ATRNL1: variants seen among roughly 807,000 people sequenced by gnomAD.
ATRNL1 encodes the protein attractin-like protein 1.
Under a neutral mutation model 182.7 loss-of-function variants are expected in ATRNL1, and 95 were observed. That is an observed-to-expected ratio of 0.52 (90% CI 0.44 to 0.62). The LOEUF is 0.62. Ranked by LOEUF, ATRNL1 falls within the 20% of genes least tolerant of loss-of-function variation. ATRNL1 has a pLI of 0.00. For synonymous variants in ATRNL1, 576 were observed against 568.3 expected, an observed-to-expected ratio of 1.01 and a Z score of -0.19; for missense variants, 1,471 against 1,679.5, an observed-to-expected ratio of 0.88 and a Z score of 2.17.
chr10:115,519,419 T>C (rs1850805293), intron 25 of ATRNL1, 95 bp downstream of exon 25: 2 of 1,016,512 alleles, frequency 2.0e-6, no homozygotes, highest in Non-Finnish European at 3.0e-6. Flanking sequence ...TTCTAAAACC[T>C]TAAAGTATCA....
rs188032901 is a variant in ATRNL1 at position 115,664,640 on chromosome 10, T to C, written c.3796-62608T>C. ...ATTAGTCTATTTTTATCAAGGTTTATAATCACTTTCCAGTACATGAAAATT... is the reference window on the plus strand; with the variant it reads ...ATTAGTCTATTTTTATCAAGGTTTACAATCACTTTCCAGTACATGAAAATT... On this transcript the variant is annotated intron_variant, in intron 26 of 28. Coordinates refer to ENST00000355044, the MANE Select transcript of ATRNL1 (RefSeq NM_207303.4). Among the ~76,000 whole-genome samples, 5 of 152,278 alleles carry C rather than the reference T, an allele frequency of 3.3e-5. No homozygotes were observed. In the East Asian group the frequency reaches 9.7e-4, roughly 29 times the overall value.
At chr10:115,454,544 T>C (rs1196990031) in intron 21 of ATRNL1, among the ~76,000 whole-genome samples, 2 of 152,130 alleles carry the variant, frequency 1.3e-5, no homozygotes, top group Non-Finnish European at 1.5e-5. Flanking sequence ...ATATGGGATG[T>C]CATATTATTT....
intron 13 of ATRNL1, among the ~76,000 whole-genome samples, chr10:115,277,803 T>C (rs1301273898): frequency 6.6e-6 from 1 of 152,172 alleles, no homozygotes; most frequent in Non-Finnish European, 1.5e-5. Flanking sequence ...CTTTTTTTCT[T>C]TATTGGAAAT....
At chr10:115,224,701 G>A (rs990988527) in intron 9 of ATRNL1, among the ~76,000 whole-genome samples, 2 of 152,052 alleles carry the variant, frequency 1.3e-5, no homozygotes, top group South Asian at 2.1e-4. Flanking sequence ...TATGATAAGC[G>A]ACTCTATGAC....
At chr10:115,148,463 A>T (rs755315568) in intron 5 of ATRNL1, among the ~76,000 whole-genome samples, 2 of 152,016 alleles carry the variant, frequency 1.3e-5, no homozygotes, top group Non-Finnish European at 2.9e-5. Flanking sequence ...TCTGGCTAGG[A>T]CTTGAAGTAG....
chr10:115,266,854 C>G lies in ATRNL1; in HGVS notation c.1830C>G (p.Tyr610Ter), dbSNP rs1851629381. 1.2e-6 allele frequency: 2 copies of G among 1,611,750 alleles called. No homozygotes were observed. The highest frequency in any genetic ancestry group is 1.7e-5 in the Admixed American group (1 of 59,824). Residue 610 changes from tyrosine to a stop codon, truncating the protein, a stop_gained, in exon 12 of 29, where the codon TAC becomes TAG. Coordinates refer to ENST00000355044, the MANE Select transcript of ATRNL1 (RefSeq NM_207303.4). LOFTEE classifies it high-confidence loss of function. The part of the protein sequence containing the change: ...SSVLLNDILV[Y>*]KPPNCKAFRD... ...TACTCCTTAATGATATCCTTGTATA[C>G]AAGCCTCCAAATTGCAAGGCTTTCA... is the stretch of plus-strand genomic sequence containing the variant.
In ATRNL1 at chr10:115,864,845, G is replaced by A. The variant is rs533026962; in HGVS notation, c.4018+16854G>A. On this transcript the variant is annotated intron_variant, in intron 28 of 28. Transcript: ENST00000355044. ...AAAATACAAAAAATTAGCCAGGCGT[G>A]GTGGCAGGTGCCTGTAGTCCCAGCT... Among the ~76,000 whole-genome samples the A allele has an allele frequency of 1.9e-3, 287 of 152,218 alleles. 2 individuals are homozygous for A. Among genetic ancestry groups the A allele is most frequent in the African/African-American group, 6.4e-3 (267 of 41,540 alleles).
chr10:115,608,512 A>G (rs538947428), intron 26 of ATRNL1, among the ~76,000 whole-genome samples: 1 of 152,208 alleles, frequency 6.6e-6, no homozygotes, highest in East Asian at 1.9e-4. Flanking sequence ...ACCCTATATT[A>G]TAATAGGCCA....
chr10:115,584,638 CTTTT>C lies in ATRNL1; in HGVS notation c.3795+35106_3795+35109del, dbSNP rs1323703926. Among the ~76,000 whole-genome samples, 52 of 150,602 alleles carry C rather than the reference CTTTT, an allele frequency of 3.5e-4. 2 individuals carry two copies. Among genetic ancestry groups the C allele is most frequent in the Middle Eastern group, 6.8e-3 (2 of 294 alleles). On this transcript the variant is annotated intron_variant, in intron 26 of 28. Transcript: ENST00000355044. Reference sequence around the variant, plus strand: ...TATTGCGTCTATTTGATTCTTCTCTCTTTTTTTCTTTATTAGTCTTGCTAGCTGT... The same window carrying C: ...TATTGCGTCTATTTGATTCTTCTCTCTTTCTTTATTAGTCTTGCTAGCTGT...
chr10:115,831,394 T>TA (rs1950557156), intron 27 of ATRNL1, among the ~76,000 whole-genome samples: 1 of 152,150 alleles, frequency 6.6e-6, no homozygotes, highest in African/African-American at 2.4e-5. Context: ...AACTTTTTTT[T>TA]AACAGATTTT....
At chr10:115,366,585 C>T (rs1268604807) in intron 19 of ATRNL1, among the ~76,000 whole-genome samples, 4 of 149,226 alleles carry the variant, frequency 2.7e-5, no homozygotes, top group East Asian at 3.9e-4. Flanking sequence ...TGATTTTGCT[C>T]GTTAGTTGAT....
chr10:115,800,074 G>A (rs1359662765), intron 27 of ATRNL1, among the ~76,000 whole-genome samples: 1 of 151,998 alleles, frequency 6.6e-6, no homozygotes, highest in Non-Finnish European at 1.5e-5. Flanking sequence ...TACAAAATTA[G>A]CTGGACGTGG....
chr10:115,892,779 T>A (rs782288342), intron 28 of ATRNL1, among the ~76,000 whole-genome samples: 4 of 152,210 alleles, frequency 2.6e-5, no homozygotes, highest in Non-Finnish European at 5.9e-5. Flanking sequence ...AAAGAAGGGA[T>A]CGAGTTGTTT....
At chr10:115,422,815 A>G (rs1349214489) in intron 20 of ATRNL1, among the ~76,000 whole-genome samples, 1 of 152,208 alleles carries the variant, frequency 6.6e-6, no homozygotes, top group African/African-American at 2.4e-5. Flanking sequence ...GGAGCTAAAC[A>G]TTTTGTACAT....
At chr10:115,486,671 T>C (rs1849042209) in intron 24 of ATRNL1, among the ~76,000 whole-genome samples, 1 of 152,070 alleles carries the variant, frequency 6.6e-6, no homozygotes, top group Non-Finnish European at 1.5e-5. Context: ...AGTGCAAAAA[T>C]TTTCTCCCAT....
At chr10:115,836,639 TG>T (rs1350604738) in intron 27 of ATRNL1, among the ~76,000 whole-genome samples, 1 of 152,194 alleles carries the variant, frequency 6.6e-6, no homozygotes, top group Non-Finnish European at 1.5e-5. Context: ...CTCTCCCGTG[TG>T]GCATCTCCTT....
At chr10:115,465,295 T>G (rs1253756649) in intron 22 of ATRNL1, among the ~76,000 whole-genome samples, 1 of 151,706 alleles carries the variant, frequency 6.6e-6, no homozygotes, top group Non-Finnish European at 1.5e-5. Context: ...TATCTACCTT[T>G]GATATCTGGA....
At chr10:115,285,095 C>T (rs144333109) in intron 14 of ATRNL1, among the ~76,000 whole-genome samples, 5 of 152,168 alleles carry the variant, frequency 3.3e-5, no homozygotes, top group African/African-American at 7.2e-5. Flanking sequence ...TTTGAGGATA[C>T]GTTTCCTTTG....
At chr10:115,431,117 T>C (rs1337315583) in intron 21 of ATRNL1, among the ~76,000 whole-genome samples, 2 of 152,070 alleles carry the variant, frequency 1.3e-5, no homozygotes, top group African/African-American at 4.8e-5. Context: ...TGAAAAGATA[T>C]AATATTCTGC....
Sources: allele counts gnomAD v4.1 joint callset (sites outside exome capture counted in the v4.1 genomes callset), GRCh38; gene constraint gnomAD v4.1.1; transcripts MANE v1.5; gene names NCBI Gene and HGNC (gene_info 2026-07-23, HGNC 2026-07-21).